Variants in GRIA1 observed in about 807,000 individuals in gnomAD.
GRIA1 encodes the protein glutamate ionotropic receptor AMPA type subunit 1.
A neutral mutation model predicts 99.2 loss-of-function variants in GRIA1; 31 were observed. That is an observed-to-expected ratio of 0.31 (90% CI 0.23 to 0.42). GRIA1 has a LOEUF of 0.42. GRIA1 is among the 10% of genes least tolerant of loss of function. The probability of loss-of-function intolerance (pLI) is 1.00; values close to 1 mark genes in which losing one functional copy is unlikely to be tolerated. For missense variants in GRIA1, 782 were observed against 1,157.5 expected, an observed-to-expected ratio of 0.68 and a Z score of 4.71; for synonymous variants, 438 against 432.4, an observed-to-expected ratio of 1.01 and a Z score of -0.16.
At chr5:153,737,370 A>G (rs1761458059) in intron 11 of GRIA1, among the ~76,000 whole-genome samples, 1 of 151,838 alleles carries the variant, frequency 6.6e-6, no homozygotes, top group African/African-American at 2.4e-5. Flanking sequence ...AAGATTACAT[A>G]AATTGGCCAA....
intron 7 of GRIA1, among the ~76,000 whole-genome samples, chr5:153,679,071 C>A (rs189177417): frequency 6.6e-6 from 1 of 152,306 alleles, no homozygotes; most frequent in Admixed American, 6.5e-5. Flanking sequence ...GAAGCAGTTT[C>A]CATAGTCAAA....
At chr5:153,777,669 T>C (rs2926851) in intron 13 of GRIA1, among the ~76,000 whole-genome samples, 90,496 of 151,658 alleles carry the variant, frequency 0.6, 27,732 homozygotes, top group East Asian at 0.94. Context: ...CAGAAATGCA[T>C]ATGAGCCCCA....
intron 5 of GRIA1, among the ~76,000 whole-genome samples, chr5:153,666,748 A>G (rs961849265): frequency 3.3e-5 from 5 of 152,208 alleles, no homozygotes; most frequent in African/African-American, 7.2e-5. Flanking sequence ...GATAACACAA[A>G]TAAAGTACTT....
At chr5:153,534,352 C>A (rs1758364848) in intron 2 of GRIA1, among the ~76,000 whole-genome samples, 1 of 152,098 alleles carries the variant, frequency 6.6e-6, no homozygotes, top group African/African-American at 2.4e-5. Context: ...GGAGAAGGAA[C>A]TGTGAAATAG....
At chr5:153,596,242 T>A (rs1581291625) in intron 2 of GRIA1, among the ~76,000 whole-genome samples, 1 of 152,198 alleles carries the variant, frequency 6.6e-6, no homozygotes, top group Admixed American at 6.5e-5. Context: ...CTTTTTGGAA[T>A]GTTTAAAAAT....
intron 2 of GRIA1, among the ~76,000 whole-genome samples, chr5:153,507,896 T>C (rs1755691945): frequency 6.6e-6 from 1 of 152,314 alleles, no homozygotes; most frequent in Non-Finnish European, 1.5e-5. Context: ...CTACCTAGTG[T>C]TGCCACAAAC....
At chr5:153,556,352 G>A (rs528536326) in intron 2 of GRIA1, among the ~76,000 whole-genome samples, 17 of 152,106 alleles carry the variant, frequency 1.1e-4, no homozygotes, top group Non-Finnish European at 1.8e-4. Flanking sequence ...CCCTGCAGCC[G>A]ACTTAATATG....
At chr5:153,550,387 GA>G (rs951626818) in intron 2 of GRIA1, among the ~76,000 whole-genome samples, 110 of 147,780 alleles carry the variant, frequency 7.4e-4, no homozygotes, top group Non-Finnish European at 1.3e-3. Context: ...TTTAAAAGAT[GA>G]AAAAAAAAAT....
chr5:153,657,633 C>A (rs943770594), intron 5 of GRIA1, among the ~76,000 whole-genome samples: 4 of 152,218 alleles, frequency 2.6e-5, no homozygotes, highest in African/African-American at 9.6e-5. Context: ...AAAATGTGAC[C>A]AAAGCATCCT....
chr5:153,761,345 A>G (rs1236388217), intron 11 of GRIA1, among the ~76,000 whole-genome samples: 2 of 152,194 alleles, frequency 1.3e-5, no homozygotes, highest in African/African-American at 4.8e-5. Flanking sequence ...TCGATTAAAA[A>G]TGGGCAAAAA....
intron 4 of GRIA1, among the ~76,000 whole-genome samples, chr5:153,651,001 C>T (rs1320714185): frequency 6.6e-6 from 1 of 151,638 alleles, no homozygotes; most frequent in East Asian, 1.9e-4. Flanking sequence ...ATCCCTTGAA[C>T]CTGGGAGGTG....
intron 5 of GRIA1, among the ~76,000 whole-genome samples, chr5:153,658,150 C>T (rs1755087990): frequency 6.6e-6 from 1 of 152,124 alleles, no homozygotes; most frequent in South Asian, 2.1e-4. Flanking sequence ...TTCTATAACT[C>T]CAGGTCATCT....
chr5:153,591,498 A>T (rs1330483147), intron 2 of GRIA1, among the ~76,000 whole-genome samples: 2 of 152,324 alleles, frequency 1.3e-5, no homozygotes, highest in Middle Eastern at 6.8e-3. Flanking sequence ...CCTGCATAGC[A>T]CTAGGTCACA....
At chr5:153,657,720 C>G (rs904085878) in intron 5 of GRIA1, among the ~76,000 whole-genome samples, 1 of 152,146 alleles carries the variant, frequency 6.6e-6, no homozygotes, top group Admixed American at 6.6e-5. Flanking sequence ...CTCTTCTTTC[C>G]CCTTCTTCAA....
intron 5 of GRIA1, among the ~76,000 whole-genome samples, chr5:153,666,243 G>A (rs981289202): frequency 2.0e-5 from 3 of 152,296 alleles, no homozygotes; most frequent in African/African-American, 7.2e-5. Flanking sequence ...CCCTGATCCA[G>A]GTACTGCTTG....
chr5:153,624,980 G>C (rs1234823223), intron 2 of GRIA1, among the ~76,000 whole-genome samples: 1 of 152,178 alleles, frequency 6.6e-6, no homozygotes, highest in Non-Finnish European at 1.5e-5. Context: ...CCTGTGCAGA[G>C]CTCCTGATCC....
chr5:153,523,511 A>T lies in GRIA1; in HGVS notation c.220+29446A>T, dbSNP rs577278. 9.8e-3 allele frequency among the ~76,000 whole-genome samples: 1,468 copies of T among 150,040 alleles called. 28 individuals are homozygous for T. Among genetic ancestry groups the T allele is most frequent in the African/African-American group, 0.034 (1,399 of 40,842 alleles). On this transcript the variant is annotated intron_variant, in intron 2 of 15. Coordinates refer to ENST00000285900, the MANE Select transcript of GRIA1 (RefSeq NM_000827.4). ...ACCCTGAACTCAGACTGCTTTGAACATTTTTTTTTTTATTTATGCTTATGT... is the reference window on the plus strand; with the variant it reads ...ACCCTGAACTCAGACTGCTTTGAACTTTTTTTTTTTTATTTATGCTTATGT...
At chr5:153,711,948 G>A (rs2149528385) in intron 11 of GRIA1, among the ~76,000 whole-genome samples, 1 of 152,328 alleles carries the variant, frequency 6.6e-6, no homozygotes, top group South Asian at 2.1e-4. Flanking sequence ...ACCTAGTGGA[G>A]ATAATTACTC....
At chr5:153,803,994 C>A (rs1349284675) in intron 15 of GRIA1, among the ~76,000 whole-genome samples, 1 of 152,188 alleles carries the variant, frequency 6.6e-6, no homozygotes, top group African/African-American at 2.4e-5. Context: ...AGCCTACCTA[C>A]CCCACTCCCA....
Sources: gnomAD v4.1 joint callset for allele counts (sites outside exome capture counted in the v4.1 genomes callset) on GRCh38, gnomAD v4.1.1 for gene constraint, MANE v1.5 for transcripts, NCBI Gene and HGNC (gene_info 2026-07-23, HGNC 2026-07-21) for gene names.